SORCS1: variants seen among roughly 807,000 people sequenced by gnomAD.
SORCS1 encodes sortilin related VPS10 domain containing receptor 1.
In SORCS1, 60 loss-of-function variants were observed where a neutral mutation model predicts 146.1. That is an observed-to-expected ratio of 0.41 (90% CI 0.33 to 0.51). The LOEUF (loss-of-function observed/expected upper bound fraction) is 0.51, where lower values mean the gene tolerates loss of function less well. SORCS1 is among the 20% of genes least tolerant of loss of function. SORCS1 has a pLI of 0.21. For synonymous variants in SORCS1, 637 were observed against 584.0 expected (o/e 1.09, Z -1.31); for missense variants, 1,352 against 1,487.6 (o/e 0.91, Z 1.50).
chr10:106,958,036 C>T (rs1038148020), intron 1 of SORCS1, among the ~76,000 whole-genome samples: 2 of 152,204 alleles, frequency 1.3e-5, no homozygotes, highest in African/African-American at 2.4e-5. Context: ...CTTCCCGTTA[C>T]AGCTGCTCCG....
intron 1 of SORCS1, among the ~76,000 whole-genome samples, chr10:106,967,926 C>T (rs762784607): frequency 2.6e-5 from 4 of 151,384 alleles, no homozygotes; most frequent in Admixed American, 6.6e-5. Context: ...CAAAAAATGC[C>T]GGGTGTGGTG....
At chr10:106,757,057 T>G (rs775071886) in intron 5 of SORCS1, among the ~76,000 whole-genome samples, 4 of 152,184 alleles carry the variant, frequency 2.6e-5, no homozygotes, top group African/African-American at 9.7e-5. Context: ...TGGCTTTGTG[T>G]GCAGTAGGGT....
At chr10:106,902,936 G>A (rs1951771048) in intron 2 of SORCS1, among the ~76,000 whole-genome samples, 1 of 152,166 alleles carries the variant, frequency 6.6e-6, no homozygotes, top group Non-Finnish European at 1.5e-5. Context: ...AAATTATCCA[G>A]GTGTGATGGC....
chr10:107,090,580 C>T (rs1008784552), intron 1 of SORCS1, among the ~76,000 whole-genome samples: 3 of 152,096 alleles, frequency 2.0e-5, no homozygotes, highest in African/African-American at 7.2e-5. Flanking sequence ...AAGGTAATTA[C>T]TATGTAAAAT....
At chr10:107,132,787 T>A (rs971273176) in intron 1 of SORCS1, among the ~76,000 whole-genome samples, 3 of 152,200 alleles carry the variant, frequency 2.0e-5, no homozygotes, top group Non-Finnish European at 4.4e-5. Context: ...ATTACCACGT[T>A]CAACAGCCCC....
At chr10:107,058,201 C>T (rs1960834051) in intron 1 of SORCS1, among the ~76,000 whole-genome samples, 1 of 151,966 alleles carries the variant, frequency 6.6e-6, no homozygotes, top group Non-Finnish European at 1.5e-5. Flanking sequence ...GCCACCATGC[C>T]CAGCTAATTT....
chr10:106,623,024 C>A (rs1245041762), intron 19 of SORCS1, among the ~76,000 whole-genome samples: 1 of 152,194 alleles, frequency 6.6e-6, no homozygotes, highest in African/African-American at 2.4e-5. Flanking sequence ...TTCCAGCAAG[C>A]CATGTCCTGG....
At chr10:107,138,350 T>C (rs1967513559) in intron 1 of SORCS1, among the ~76,000 whole-genome samples, 2 of 152,194 alleles carry the variant, frequency 1.3e-5, no homozygotes, top group Admixed American at 1.3e-4. Context: ...TCTTTGCAGA[T>C]TCGTTGTTTA....
intron 1 of SORCS1, among the ~76,000 whole-genome samples, chr10:107,029,161 G>A (rs769983902): frequency 1.3e-5 from 2 of 152,170 alleles, no homozygotes; most frequent in Non-Finnish European, 2.9e-5. Flanking sequence ...TCAATCAATA[G>A]TTATACTTCC....
chr10:106,973,809 G>A (rs758364180), intron 1 of SORCS1, among the ~76,000 whole-genome samples: 4 of 152,152 alleles, frequency 2.6e-5, no homozygotes, highest in Admixed American at 6.5e-5. Context: ...AGTGTTTTAC[G>A]TTGTTTTAAA....
chr10:107,002,389 G>A (rs1157530228), intron 1 of SORCS1, among the ~76,000 whole-genome samples: 2 of 152,138 alleles, frequency 1.3e-5, no homozygotes, highest in Non-Finnish European at 2.9e-5. Flanking sequence ...GTCAGACCAG[G>A]AGCCTGGGAA....
At chr10:106,632,417 A>AT (rs563637777) in intron 18 of SORCS1, among the ~76,000 whole-genome samples, 29 of 152,274 alleles carry the variant, frequency 1.9e-4, no homozygotes, top group African/African-American at 7.0e-4. Flanking sequence ...CTGTCATCAG[A>AT]TTCCGGTGTT....
intron 15 of SORCS1, 89 bp downstream of exon 15, chr10:106,672,779 T>A: frequency 9.3e-7 from 1 of 1,073,840 alleles, no homozygotes; most frequent in South Asian, 1.4e-5. Context: ...GCCTAGAGCA[T>A]CCTAGTTCCT....
intron 2 of SORCS1, among the ~76,000 whole-genome samples, chr10:106,838,708 T>G (rs1244020371): frequency 6.6e-6 from 1 of 152,250 alleles, no homozygotes; most frequent in Non-Finnish European, 1.5e-5. Flanking sequence ...TATTTTACTT[T>G]GCAAACATTA....
intron 17 of SORCS1, among the ~76,000 whole-genome samples, chr10:106,664,932 C>G (rs1348182838): frequency 6.6e-6 from 1 of 152,110 alleles, no homozygotes; most frequent in Admixed American, 6.5e-5. Context: ...GCATTCCTTC[C>G]CCATTAAGTT....
chr10:106,720,578 T>C (rs1225869269), intron 6 of SORCS1, among the ~76,000 whole-genome samples: 1 of 151,472 alleles, frequency 6.6e-6, no homozygotes, highest in Non-Finnish European at 1.5e-5. Context: ...TTAAGTACGA[T>C]GCTACTTTTT....
intron 1 of SORCS1, among the ~76,000 whole-genome samples, chr10:107,132,332 C>A (rs1398993040): frequency 6.6e-6 from 1 of 152,154 alleles, no homozygotes. Context: ...CAGTGAGAGC[C>A]CCTCTTGTTT....
intron 12 of SORCS1, among the ~76,000 whole-genome samples, chr10:106,677,775 A>G (rs1168013991): frequency 6.6e-6 from 1 of 152,162 alleles, no homozygotes; most frequent in Non-Finnish European, 1.5e-5. Context: ...ATTTACTCCA[A>G]TAGTCTCATT....
At chr10:106,752,590 C>T (rs1159802144) in intron 5 of SORCS1, among the ~76,000 whole-genome samples, 1 of 152,180 alleles carries the variant, frequency 6.6e-6, no homozygotes, top group Non-Finnish European at 1.5e-5. Context: ...CCCACAATGG[C>T]AAGAACCTAG....
Sources: gnomAD v4.1 joint callset for allele counts (sites outside exome capture counted in the v4.1 genomes callset) on GRCh38, gnomAD v4.1.1 for gene constraint, MANE v1.5 for transcripts, NCBI Gene and HGNC (gene_info 2026-07-23, HGNC 2026-07-21) for gene names.